The following PTPRE variants were observed in gnomAD, a reference collection of about 807,000 sequenced individuals.
The protein encoded by PTPRE is protein tyrosine phosphatase receptor type E.
Under a neutral mutation model 102.0 loss-of-function variants are expected in PTPRE, and 51 were observed. The ratio of observed to expected loss-of-function variants is 0.50; its 90% confidence interval spans 0.40 to 0.63. PTPRE has a LOEUF of 0.63. Among genes scored for constraint, PTPRE ranks in the 30% least tolerant of loss-of-function variants. PTPRE has a pLI of 0.00. For missense variants in PTPRE, 752 were observed against 915.1 expected, an observed-to-expected ratio of 0.82 and a Z score of 2.30; for synonymous variants, 345 against 348.2, an observed-to-expected ratio of 0.99 and a Z score of 0.10.
chr10:128,084,942 A>T lies in PTPRE; in HGVS notation c.*2036A>T, dbSNP rs1329600804. 2 of 295,920 alleles carry T rather than the reference A, an allele frequency of 6.8e-6. No individual in the cohort carries two copies. The highest frequency in any genetic ancestry group is 1.7e-4 in the East Asian group (2 of 11,690). 18.3% of individuals were successfully genotyped at this position (295,920 alleles called of 1,614,324 possible). A position where few individuals can be genotyped will look rare whatever the true frequency, so the allele number is the denominator to read the frequency against. On this transcript the variant is annotated 3_prime_UTR_variant, in exon 21 of 21. Coordinates refer to ENST00000254667, the MANE Select transcript of PTPRE (RefSeq NM_006504.6). ...ACTGGCATCTCTTGTATCAAGAAGT[A>T]CCTTTAAGGTAGACCTTTTCAGGGT... is the stretch of plus-strand genomic sequence containing the variant.
chr10:127,992,099 G>C (rs993748776), intron 2 of PTPRE, among the ~76,000 whole-genome samples: 1 of 152,238 alleles, frequency 6.6e-6, no homozygotes, highest in Non-Finnish European at 1.5e-5. Context: ...GAACCTAGAG[G>C]ATGGGAAACA....
chr10:128,055,352 G>A (rs991697534), intron 6 of PTPRE, among the ~76,000 whole-genome samples: 1 of 152,174 alleles, frequency 6.6e-6, no homozygotes, highest in Non-Finnish European at 1.5e-5. Context: ...GGCCACCAGA[G>A]TTCACGCTCG....
At chr10:127,982,895 T>G (rs545605332) in intron 2 of PTPRE, among the ~76,000 whole-genome samples, 1 of 152,234 alleles carries the variant, frequency 6.6e-6, no homozygotes, top group Non-Finnish European at 1.5e-5. Context: ...TGCAGTCTAC[T>G]TAATCAATTT....
At chr10:128,068,011 C>T (rs970535474) in intron 11 of PTPRE, 112 bp from the exon 12 acceptor site, 1 of 1,247,484 alleles carries the variant, frequency 8.0e-7, no homozygotes, top group Admixed American at 2.2e-5. Flanking sequence ...TGGGCCCCTC[C>T]CCTACGCAGC....
chr10:127,980,020 G>A (rs570323047), intron 1 of PTPRE, among the ~76,000 whole-genome samples: 1 of 152,240 alleles, frequency 6.6e-6, no homozygotes, highest in African/African-American at 2.4e-5. Context: ...ACTCTTTTTA[G>A]CATCTTTTCT....
At chr10:128,081,256 C>T (rs1851685773) in intron 20 of PTPRE, among the ~76,000 whole-genome samples, 1 of 152,178 alleles carries the variant, frequency 6.6e-6, no homozygotes, top group African/African-American at 2.4e-5. Flanking sequence ...AACCAGTTTC[C>T]AATTGCTGAG....
chr10:128,011,459 G>A (rs929241062), intron 2 of PTPRE, among the ~76,000 whole-genome samples: 16 of 152,198 alleles, frequency 1.1e-4, no homozygotes, highest in Non-Finnish European at 2.9e-5. Flanking sequence ...AGCGTGGCCT[G>A]GGCGCACCAG....
chr10:128,081,316 C>G (rs770738420), intron 20 of PTPRE, among the ~76,000 whole-genome samples: 1 of 152,226 alleles, frequency 6.6e-6, no homozygotes, highest in African/African-American at 2.4e-5. Flanking sequence ...TTGGTTGGAA[C>G]TGACATTTCA....
At chr10:128,071,237 C>G (rs948055902) in intron 15 of PTPRE, 6 of 360,928 alleles carry the variant, frequency 1.7e-5, no homozygotes, top group Non-Finnish European at 3.1e-5. Flanking sequence ...GATTCCTTGT[C>G]TCATTCCTTG....
chr10:128,013,418 C>T lies in PTPRE; in HGVS notation c.-7-27457C>T, dbSNP rs568951723. 6.8e-4 allele frequency among the ~76,000 whole-genome samples: 103 copies of T among 152,248 alleles called. 2 individuals are homozygous for T. Among genetic ancestry groups the T allele is most frequent in the South Asian group, 3.1e-3 (15 of 4,824 alleles). On this transcript the variant is annotated intron_variant, in intron 2 of 20. Coordinates refer to ENST00000254667, the MANE Select transcript of PTPRE (RefSeq NM_006504.6). The stretch of plus-strand genomic sequence containing the variant: ...ATGGAGGGAGAATCCTATCTTGGAG[C>T]GCCACTGGGGGCTGCTAGTAGAAAG...
intron 2 of PTPRE, among the ~76,000 whole-genome samples, chr10:128,040,490 G>A (rs1218506628): frequency 3.3e-5 from 5 of 152,104 alleles, no homozygotes; most frequent in African/African-American, 9.7e-5. Context: ...TTAGCAGGGC[G>A]AGTGGAGGGT....
chr10:127,968,007 T>TCCC lies in PTPRE; in HGVS notation c.-30-14267_-30-14266insCCC, dbSNP rs1210221297. The stretch of plus-strand genomic sequence containing the variant: ...TTTGAATGCCTCCCAGGTTGCTCTA[T>TCCC]AGGTGTGTGTGTGTGTGTGTGTGTG... On this transcript the variant is annotated intron_variant, in intron 1 of 20. Coordinates refer to ENST00000254667, the MANE Select transcript of PTPRE (RefSeq NM_006504.6). Among the ~76,000 whole-genome samples, 73 of 141,682 alleles carry TCCC rather than the reference T, an allele frequency of 5.2e-4. No individual in the cohort carries two copies. In the East Asian group the frequency reaches 0.014, roughly 26 times the overall value. The allele number at this position is 141,682 out of a possible 152,430, so 92.9% of individuals were successfully genotyped here.
chr10:128,018,956 A>C (rs1845647002), intron 2 of PTPRE, among the ~76,000 whole-genome samples: 1 of 152,238 alleles, frequency 6.6e-6, no homozygotes, highest in Non-Finnish European at 1.5e-5. Flanking sequence ...AGAAATGACT[A>C]ATGTGCACAC....
intron 1 of PTPRE, among the ~76,000 whole-genome samples, chr10:127,922,447 G>A (rs1313213845): frequency 6.6e-6 from 1 of 152,240 alleles, no homozygotes. Flanking sequence ...GGGGGCCATC[G>A]AGGGCCGCTC....
intron 2 of PTPRE, among the ~76,000 whole-genome samples, chr10:128,026,960 T>G (rs565410778): frequency 6.6e-6 from 1 of 152,384 alleles, no homozygotes; most frequent in East Asian, 1.9e-4. Flanking sequence ...GCTTTTGTTT[T>G]TCTCCATGTG....
intron 1 of PTPRE, among the ~76,000 whole-genome samples, chr10:127,918,328 G>A (rs760718587): frequency 3.1e-4 from 47 of 152,030 alleles, no homozygotes; most frequent in Non-Finnish European, 3.4e-4. Flanking sequence ...GGAGGCCGAG[G>A]TGGCCAGATC....
At chr10:127,947,170 G>A (rs1848683530) in intron 1 of PTPRE, among the ~76,000 whole-genome samples, 1 of 152,114 alleles carries the variant, frequency 6.6e-6, no homozygotes. Context: ...ATACTCTTGT[G>A]CATTGTTCAA....
At chr10:127,956,543 T>G (rs1003733480) in intron 1 of PTPRE, among the ~76,000 whole-genome samples, 1 of 152,216 alleles carries the variant, frequency 6.6e-6, no homozygotes, top group African/African-American at 2.4e-5. Context: ...CATACATATG[T>G]GGGTTTTTGT....
intron 3 of PTPRE, among the ~76,000 whole-genome samples, chr10:128,046,106 A>G (rs905347485): frequency 3.1e-4 from 47 of 152,186 alleles, no homozygotes; most frequent in African/African-American, 1.1e-3. Flanking sequence ...ATGAGAAACG[A>G]TGGTGCGGAC....
Sources: gnomAD v4.1 joint callset for allele counts (sites outside exome capture counted in the v4.1 genomes callset) on GRCh38, gnomAD v4.1.1 for gene constraint, MANE v1.5 for transcripts, NCBI Gene and HGNC (gene_info 2026-07-23, HGNC 2026-07-21) for gene names.